The following TRIP10 variants were observed in gnomAD, a reference collection of about 807,000 sequenced individuals.
The protein encoded by TRIP10 is thyroid hormone receptor interactor 10.
TRIP10 carries 54 observed loss-of-function variants against 80.9 expected under a neutral mutation model. The observed-to-expected ratio is 0.67, with a 90% CI of 0.54 to 0.84. The LOEUF (loss-of-function observed/expected upper bound fraction) is 0.84, where lower values mean the gene tolerates loss of function less well. TRIP10 is among the 40% of genes least tolerant of loss of function. The pLI is 0.00. For synonymous variants in TRIP10, 321 were observed against 307.2 expected, an observed-to-expected ratio of 1.04 and a Z score of -0.47; for missense variants, 773 against 815.3, an observed-to-expected ratio of 0.95 and a Z score of 0.63.
In TRIP10 at chr19:6,745,074, A is replaced by C; in HGVS notation, c.984+80A>C. The C allele has an allele frequency of 6.7e-7, 1 of 1,493,756 alleles. No homozygotes were observed. The highest frequency in any genetic ancestry group is 1.3e-5 in the South Asian group (1 of 76,272). The allele number at this position is 1,493,756 out of a possible 1,614,324, so 92.5% of individuals were successfully genotyped here. ...GTGGGGCCCCTATTGAGTCAGCCCC[A>C]GCCGCCTGAACGCCGAGTCTCGGGC... On this transcript the variant is annotated intron_variant, in intron 9 of 14. Transcript: ENST00000313244. The surrounding 1 kb of genome is among the most constrained non-coding windows in gnomAD (Gnocchi z 7.2).
At position 6,744,998 on chromosome 19, in the gene TRIP10, G is replaced by A. The variant is rs753848730; in HGVS notation, c.984+4G>A. 6.2e-6 allele frequency: 10 copies of A among 1,612,432 alleles called. No homozygotes were observed. In the South Asian group the frequency reaches 6.6e-5, roughly 11 times the overall value. On this transcript the variant is annotated splice_donor_region_variant and intron_variant, in intron 9 of 14. Coordinates refer to ENST00000313244, the MANE Select transcript of TRIP10 (RefSeq NM_001288962.2). This position sits in a 1 kb window ranked among gnomAD's most constrained non-coding sequence, Gnocchi z 4.9. ...GCCTTTTGGCAAGAAGAACAAGGTG[G>A]GGGCCGGGACCCTTGGGATGGTGGG... is the stretch of plus-strand genomic sequence containing the variant.
intron 7 of TRIP10, 39 bp downstream of exon 7, chr19:6,743,875 C>T (rs1183069943): frequency 1.2e-6 from 2 of 1,608,598 alleles, no homozygotes; most frequent in Admixed American, 1.7e-5. Flanking sequence ...TTCCCGAAAG[C>T]CTCCAAATGT....
At chr19:6,740,392 C>T (rs894415281) in intron 1 of TRIP10, among the ~76,000 whole-genome samples, 3 of 152,204 alleles carry the variant, frequency 2.0e-5, no homozygotes, top group Admixed American at 6.5e-5. Context: ...CAGAAATTTC[C>T]CCCTATCCTA....
Position 6,743,615 on chromosome 19 carries a change from C to CGGGGGGGGGTGGGGGGGGG in TRIP10, c.513+26_513+27insTGGGGGGGGGGGGGGGGGG. The CGGGGGGGGGTGGGGGGGGG allele has an allele frequency of 1.3e-6, 1 of 770,178 alleles. No homozygotes were observed. Among genetic ancestry groups the CGGGGGGGGGTGGGGGGGGG allele is most frequent in the South Asian group, 2.0e-5 (1 of 50,316 alleles). 47.7% of individuals were successfully genotyped at this position (770,178 alleles called of 1,614,324 possible). A position where few individuals can be genotyped will look rare whatever the true frequency, so the allele number is the denominator to read the frequency against. On this transcript the variant is annotated intron_variant, in intron 6 of 14. Transcript: ENST00000313244. ...GTGGAGAAGGTGTGTGTGGCGGGGG[C>CGGGGGGGGGTGGGGGGGGG]GGGGGGGGGGTGCGGGGTCTGGGAC... is the stretch of plus-strand genomic sequence containing the variant.
intron 1 of TRIP10, 151 bp from the exon 2 acceptor site, chr19:6,740,859 C>T: frequency 4.7e-6 from 3 of 639,726 alleles, no homozygotes; most frequent in Non-Finnish European, 8.0e-6. Flanking sequence ...TCCTGCCTCC[C>T]CCCGCGCCAC....
rs780720134 is a variant in TRIP10, at chr19:6,750,371, C to A, written c.1475C>A (p.Pro492His). 8 of 1,614,056 alleles carry A rather than the reference C, an allele frequency of 5.0e-6. No homozygotes were observed. In the South Asian group the frequency reaches 8.8e-5, roughly 18 times the overall value. Residue 492 changes from proline (P) to histidine (H), a missense_variant, in exon 13 of 15, where the codon CCC becomes CAC. Physicochemically the swap from Pro to His is moderately conservative, Grantham distance 77. Coordinates refer to ENST00000313244, the MANE Select transcript of TRIP10 (RefSeq NM_001288962.2). The stretch of plus-strand genomic sequence containing the variant: ...AGCCGGCACGCCCGGCCTCCCGACC[C>A]CCCCGCTAGCGCCCCGCCAGACAGC... ...SLSRHARPPD[P>H]PASAPPDSSS...
chr19:6,741,313 T>C (rs1172283715), intron 3 of TRIP10, 32 bp downstream of exon 3: 4 of 1,589,042 alleles, frequency 2.5e-6, no homozygotes, highest in Non-Finnish European at 3.4e-6. Flanking sequence ...AGGGCTAGAT[T>C]TGTGGGGAAA....
chr19:6,741,323 A>G (rs1478376964), intron 3 of TRIP10, 42 bp downstream of exon 3: 7 of 1,576,436 alleles, frequency 4.4e-6, no homozygotes, highest in Non-Finnish European at 6.0e-6. Flanking sequence ...TTGTGGGGAA[A>G]GGCGGTGCTT....
Position 6,745,065 on chromosome 19 carries a change from G to A in TRIP10, c.984+71G>A. On this transcript the variant is annotated intron_variant, in intron 9 of 14. Coordinates refer to ENST00000313244, the MANE Select transcript of TRIP10 (RefSeq NM_001288962.2). The surrounding 1 kb of genome is among the most constrained non-coding windows in gnomAD (Gnocchi z 7.2). ...GTGGGGACAGTGGGGCCCCTATTGA[G>A]TCAGCCCCAGCCGCCTGAACGCCGA... 1 of 1,520,790 alleles carries A rather than the reference G, an allele frequency of 6.6e-7. No homozygotes were observed. Among genetic ancestry groups the A allele is most frequent in the Non-Finnish European group, 8.8e-7 (1 of 1,134,274 alleles). The allele number at this position is 1,520,790 out of a possible 1,614,324, so 94.2% of individuals were successfully genotyped here. A position where few individuals can be genotyped will look rare whatever the true frequency, so the allele number is the denominator to read the frequency against.
chr19:6,743,367 T>C (rs1289083428), intron 5 of TRIP10, 111 bp downstream of exon 5: 2 of 1,530,118 alleles, frequency 1.3e-6, no homozygotes, highest in African/African-American at 2.7e-5. Context: ...CCCTCCCCCA[T>C]AGGCTTCCAG....
In TRIP10 at chr19:6,744,888, G is replaced by C. The variant is rs761344573; in HGVS notation, c.878G>C (p.Arg293Pro). ...GAGGACTTCAGCCAGCCCATGAACCGTGCACCCTCCGACAGCAGTCTGGGC... is the reference window on the plus strand; with the variant it reads ...GAGGACTTCAGCCAGCCCATGAACCCTGCACCCTCCGACAGCAGTCTGGGC... ...EFEDFSQPMN[R>P]APSDSSLGTP... The change falls in exon 9 of 15, where the codon CGT becomes CCT. Residue 293 changes from arginine (R) to proline (P), a missense_variant. Physicochemically the swap from Arg to Pro is moderately radical, Grantham distance 103. Transcript: ENST00000313244. This position sits in a 1 kb window ranked among gnomAD's most constrained non-coding sequence, Gnocchi z 4.9. The C allele has an allele frequency of 6.2e-7, 1 of 1,614,234 alleles. No homozygotes were observed. The highest frequency in any genetic ancestry group is 8.5e-7 in the Non-Finnish European group (1 of 1,180,052).
rs2145542886 is a variant in TRIP10 at position 6,745,142 on chromosome 19, A to C, written c.984+148A>C. 8.8e-7 allele frequency: 1 copy of C among 1,140,986 alleles called. No individual in the cohort carries two copies. The highest frequency in any genetic ancestry group is 1.2e-6 in the Non-Finnish European group (1 of 852,704). The allele number at this position is 1,140,986 out of a possible 1,614,324, so 70.7% of individuals were successfully genotyped here. On this transcript the variant is annotated intron_variant, in intron 9 of 14. Transcript: ENST00000313244. This position sits in a 1 kb window ranked among gnomAD's most constrained non-coding sequence, Gnocchi z 7.2. ...CTGCCAGCCCGGACTGGAGGGAAGG[A>C]AGGCGGCCGATTGGCCTGGGAGTCC...
rs1969134561 is a variant in TRIP10 at position 6,746,403 on chromosome 19, G to T, written c.1153-49G>T. On this transcript the variant is annotated intron_variant, in intron 10 of 14. Transcript: ENST00000313244. The surrounding 1 kb of genome is among the most constrained non-coding windows in gnomAD (Gnocchi z 6.2). ...ATATCTCAGACGGGTGCAGAGTCTG[G>T]CAGGCTAGACTCCTTGATCCCAAAT... 2 of 1,602,640 alleles carry T rather than the reference G, an allele frequency of 1.2e-6. No homozygotes were observed. Among genetic ancestry groups the T allele is most frequent in the Non-Finnish European group, 8.5e-7 (1 of 1,170,636 alleles).
intron 2 of TRIP10, 31 bp downstream of exon 2, chr19:6,741,156 C>G: frequency 6.2e-7 from 1 of 1,613,900 alleles, no homozygotes; most frequent in South Asian, 1.1e-5. Flanking sequence ...CTACGGAGGA[C>G]GCGCCTGGGG....
In TRIP10 at chr19:6,743,236, G is replaced by T. The variant is rs985929707; in HGVS notation, c.388G>T (p.Gly130Cys). The T allele has an allele frequency of 3.1e-6, 5 of 1,613,822 alleles. No homozygotes were observed. In the Admixed American group the frequency reaches 8.3e-5, roughly 27 times the overall value. The change falls in exon 5 of 15, where the codon GGC becomes TGC. Residue 130 changes from glycine (G) to cysteine (C), a missense_variant. By Grantham distance (159) the Gly-to-Cys change is radical. Coordinates refer to ENST00000313244, the MANE Select transcript of TRIP10 (RefSeq NM_001288962.2). ...GCGGGCCCAGCAGCAGCTGGAAAAT[G>T]GCTTTAAACAGCTGGAGAATGTGAG... is the stretch of plus-strand genomic sequence containing the variant. ...GRRAQQQLEN[G>C]FKQLENSKRK... is the part of the protein sequence containing the mutation.
intron 3 of TRIP10, 114 bp from the exon 4 acceptor site, chr19:6,742,853 G>T (rs339408): frequency 7.2e-7 from 1 of 1,396,722 alleles, no homozygotes; most frequent in African/African-American, 1.4e-5. Context: ...CATCGCTTCA[G>T]GGATTACATT....
At position 6,745,560 on chromosome 19, in the gene TRIP10, A is replaced by AT; in HGVS notation, c.985-464dup. ...CCACTCCCTCTCGGCTTGTGGTTTT[A>AT]TTTTTGTTTATTTATTTTTGTCCTC... On this transcript the variant is annotated intron_variant, in intron 9 of 14. Coordinates refer to ENST00000313244, the MANE Select transcript of TRIP10 (RefSeq NM_001288962.2). This position sits in a 1 kb window ranked among gnomAD's most constrained non-coding sequence, Gnocchi z 7.2. The AT allele has an allele frequency of 1.0e-6, 1 of 984,194 alleles. No homozygotes were observed. The highest frequency in any genetic ancestry group is 1.1e-4 in the East Asian group (1 of 8,766). The allele number at this position is 984,194 out of a possible 1,614,324, so 61.0% of individuals were successfully genotyped here.
Position 6,745,089 on chromosome 19 carries a change from G to GGC in TRIP10, c.984+95_984+96insGC. The stretch of plus-strand genomic sequence containing the variant: ...AGTCAGCCCCAGCCGCCTGAACGCC[G>GGC]AGTCTCGGGCAGGAATTTTCCTCTT... On this transcript the variant is annotated intron_variant, in intron 9 of 14. Transcript: ENST00000313244. The surrounding 1 kb of genome is among the most constrained non-coding windows in gnomAD (Gnocchi z 7.2). 6.9e-7 allele frequency: 1 copy of GGC among 1,442,680 alleles called. No individual in the cohort carries two copies. Among genetic ancestry groups the GGC allele is most frequent in the Non-Finnish European group, 9.2e-7 (1 of 1,091,398 alleles). The allele number at this position is 1,442,680 out of a possible 1,614,324, so 89.4% of individuals were successfully genotyped here.
Position 6,744,997 on chromosome 19 carries a change from G to T in TRIP10, c.984+3G>T. 1.2e-6 allele frequency: 2 copies of T among 1,612,572 alleles called. No individual in the cohort carries two copies. Among genetic ancestry groups the T allele is most frequent in the Non-Finnish European group, 1.7e-6 (2 of 1,179,438 alleles). ...GGCCTTTTGGCAAGAAGAACAAGGT[G>T]GGGGCCGGGACCCTTGGGATGGTGG... is the stretch of plus-strand genomic sequence containing the variant. On this transcript the variant is annotated splice_donor_region_variant and intron_variant, in intron 9 of 14. Coordinates refer to ENST00000313244, the MANE Select transcript of TRIP10 (RefSeq NM_001288962.2). This position sits in a 1 kb window ranked among gnomAD's most constrained non-coding sequence, Gnocchi z 4.9.
Sources: allele counts gnomAD v4.1 joint callset (sites outside exome capture counted in the v4.1 genomes callset), GRCh38; gene constraint gnomAD v4.1.1; non-coding constraint Gnocchi (gnomAD v3.1); transcripts MANE v1.5; gene names NCBI Gene and HGNC (gene_info 2026-07-23, HGNC 2026-07-21).